FSTL5: variants seen among roughly 807,000 people sequenced by gnomAD.
The protein encoded by FSTL5 is follistatin-related protein 5.
A neutral mutation model predicts 89.1 loss-of-function variants in FSTL5; 62 were observed. That is an observed-to-expected ratio of 0.70 (90% CI 0.57 to 0.86). The LOEUF is 0.86. Among genes scored for constraint, FSTL5 ranks in the 40% least tolerant of loss-of-function variants. The probability of loss-of-function intolerance (pLI) is 0.00; values close to 1 mark genes in which losing one functional copy is unlikely to be tolerated. For missense variants in FSTL5, 1,057 were observed against 1,001.6 expected, an observed-to-expected ratio of 1.06 and a Z score of -0.75; for synonymous variants, 383 against 346.2, an observed-to-expected ratio of 1.11 and a Z score of -1.18.
intron 15 of FSTL5, among the ~76,000 whole-genome samples, chr4:161,439,418 T>C (rs903238596): frequency 3.3e-5 from 5 of 152,212 alleles, no homozygotes; most frequent in Non-Finnish European, 7.3e-5. Context: ...CTACGGTTTG[T>C]TTCTCAGCTC....
At position 161,920,605 on chromosome 4, in the gene FSTL5, A is replaced by C; in HGVS notation, c.208T>G (p.Cys70Gly). ...GTAACACAGTGTCTTCCCAAACCAC[A>C]GTACTTATTTTCACAAGATCCAAAA... The part of the protein sequence containing the change: ...GPFGSCENKY[C>G]GLGRHCVTSR... Residue 70 changes from cysteine to glycine, a missense_variant, in exon 4 of 16, where the codon TGT becomes GGT. Physicochemically the swap from Cys to Gly is radical, Grantham distance 159. Coordinates refer to ENST00000306100, the MANE Select transcript of FSTL5 (RefSeq NM_020116.5). 2 of 1,613,952 alleles carry C rather than the reference A, an allele frequency of 1.2e-6. No homozygotes were observed. Among genetic ancestry groups the C allele is most frequent in the South Asian group, 1.1e-5 (1 of 91,072 alleles).
chr4:161,900,055 G>T (rs1022575241), intron 4 of FSTL5, among the ~76,000 whole-genome samples: 1 of 152,066 alleles, frequency 6.6e-6, no homozygotes, highest in Non-Finnish European at 1.5e-5. Context: ...TTAGCCAGGT[G>T]TGGTGGCACA....
chr4:161,939,300 A>C (rs897276390), intron 3 of FSTL5, among the ~76,000 whole-genome samples: 1 of 151,982 alleles, frequency 6.6e-6, no homozygotes, highest in African/African-American at 2.4e-5. Context: ...GTGAGCAAAA[A>C]ATATAATGAT....
Position 161,416,776 on chromosome 4 carries a change from T to C in FSTL5, c.1842-30327A>G, listed in dbSNP as rs182529250. 3.5e-3 allele frequency among the ~76,000 whole-genome samples: 513 copies of C among 145,138 alleles called. 13 individuals carry two copies. The East Asian group carries it at 0.056, about 16-fold the overall frequency. ...AGGAGAATGGCATGAACCCGGGAGG[T>C]GGAGCTTGCAGTAAGCCAAGATCAT... On this transcript the variant is annotated intron_variant, in intron 15 of 15. Transcript: ENST00000306100.
At chr4:161,754,822 C>A (rs1162499793) in intron 6 of FSTL5, among the ~76,000 whole-genome samples, 2 of 152,046 alleles carry the variant, frequency 1.3e-5, no homozygotes, top group African/African-American at 2.4e-5. Flanking sequence ...TATTTACTGA[C>A]AGATTTAAAT....
At chr4:161,443,934 A>T (rs922982210) in intron 15 of FSTL5, among the ~76,000 whole-genome samples, 1 of 151,958 alleles carries the variant, frequency 6.6e-6, no homozygotes, top group Non-Finnish European at 1.5e-5. Flanking sequence ...TGTAGTTTGG[A>T]CATGATCTAT....
intron 1 of FSTL5, among the ~76,000 whole-genome samples, chr4:162,140,255 A>T (rs968437853): frequency 6.6e-6 from 1 of 152,156 alleles, no homozygotes. Context: ...CTACTTTGCA[A>T]TTCTACTCCT....
chr4:162,145,621 G>A (rs776084583), intron 1 of FSTL5, among the ~76,000 whole-genome samples: 4 of 152,082 alleles, frequency 2.6e-5, no homozygotes, highest in Non-Finnish European at 5.9e-5. Context: ...AAAAAACGGA[G>A]AATCATGCAT....
chr4:162,009,515 GC>G (rs776096085), intron 3 of FSTL5, among the ~76,000 whole-genome samples: 1 of 152,054 alleles, frequency 6.6e-6, no homozygotes, highest in East Asian at 1.9e-4. Context: ...TATAAAATAT[GC>G]CACCCCAAAA....
chr4:162,111,517 C>A, intron 1 of FSTL5, 105 bp from the exon 2 acceptor site: 2 of 865,838 alleles, frequency 2.3e-6, no homozygotes, highest in Non-Finnish European at 3.4e-6. Context: ...TTAATCTAAT[C>A]AAAACTTGCT....
chr4:161,883,567 TAA>T (rs1482822684), intron 4 of FSTL5, among the ~76,000 whole-genome samples: 2 of 152,170 alleles, frequency 1.3e-5, no homozygotes, highest in Non-Finnish European at 2.9e-5. Flanking sequence ...TCTGGGATAA[TAA>T]AAGTGTTTCA....
intron 15 of FSTL5, among the ~76,000 whole-genome samples, chr4:161,416,571 G>A (rs749342293): frequency 3.3e-5 from 5 of 152,120 alleles, no homozygotes; most frequent in Non-Finnish European, 5.9e-5. Flanking sequence ...TGGGCCAGGC[G>A]TGGTGGCTCA....
intron 7 of FSTL5, among the ~76,000 whole-genome samples, chr4:161,616,732 A>G (rs1285741305): frequency 6.6e-6 from 1 of 152,020 alleles, no homozygotes; most frequent in African/African-American, 2.4e-5. Context: ...GAAGAGGACC[A>G]GGATAAATAG....
intron 7 of FSTL5, among the ~76,000 whole-genome samples, chr4:161,605,931 G>A (rs968943024): frequency 2.7e-5 from 4 of 149,450 alleles, no homozygotes; most frequent in African/African-American, 1.0e-4. Flanking sequence ...AATGCAAGCA[G>A]AGACATGGAA....
intron 3 of FSTL5, among the ~76,000 whole-genome samples, chr4:162,009,190 T>C (rs533790767): frequency 4.7e-4 from 72 of 152,174 alleles, no homozygotes; most frequent in African/African-American, 1.7e-3. Context: ...CATGCAGCCT[T>C]GTTAATCTGA....
At chr4:161,411,168 C>T (rs539074546) in intron 15 of FSTL5, among the ~76,000 whole-genome samples, 3 of 152,214 alleles carry the variant, frequency 2.0e-5, no homozygotes, top group South Asian at 4.1e-4. Context: ...AGACCAATAT[C>T]AACTTCTGAA....
chr4:161,771,288 T>C (rs1741201163), intron 5 of FSTL5, among the ~76,000 whole-genome samples: 1 of 152,106 alleles, frequency 6.6e-6, no homozygotes, highest in Admixed American at 6.6e-5. Context: ...AAAGTGTACG[T>C]ATAAGTAACA....
At chr4:162,032,636 TTG>T (rs776466947) in intron 3 of FSTL5, 2 of 152,070 alleles carry the variant, frequency 1.3e-5, no homozygotes, top group Non-Finnish European at 2.9e-5. Flanking sequence ...AGTCATTCAG[TTG>T]TGGGGAAATG....
chr4:161,973,882 C>T (rs1735556548), intron 3 of FSTL5, among the ~76,000 whole-genome samples: 1 of 152,138 alleles, frequency 6.6e-6, no homozygotes, highest in Admixed American at 6.5e-5. Flanking sequence ...CCAAAATCTC[C>T]TTAAGCTGAT....
Sources: gnomAD v4.1 joint callset for allele counts (sites outside exome capture counted in the v4.1 genomes callset) on GRCh38, gnomAD v4.1.1 for gene constraint, MANE v1.5 for transcripts, NCBI Gene and HGNC (gene_info 2026-07-23, HGNC 2026-07-21) for gene names.